SLC39A10: variants seen among roughly 807,000 people sequenced by gnomAD.
The protein encoded by SLC39A10 is zinc transporter ZIP10.
SLC39A10 carries 13 observed loss-of-function variants against 65.1 expected under a neutral mutation model. That is an observed-to-expected ratio of 0.20 (90% CI 0.13 to 0.32). The LOEUF (loss-of-function observed/expected upper bound fraction) is 0.32. Among genes scored for constraint, SLC39A10 ranks in the 10% least tolerant of loss-of-function variants. SLC39A10 has a pLI of 1.00. For missense variants in SLC39A10, 831 were observed against 1,018.4 expected (o/e 0.82, Z 2.50); for synonymous variants, 321 against 342.2 (o/e 0.94, Z 0.68).
At chr2:195,677,721 T>A (rs1004864601) in intron 1 of SLC39A10, among the ~76,000 whole-genome samples, 9 of 152,066 alleles carry the variant, frequency 5.9e-5, no homozygotes, top group Non-Finnish European at 1.3e-4. Flanking sequence ...ATCATTTTGT[T>A]GTTGATTAAC....
At chr2:195,650,163 T>C (rs1232586262) in intron 2 of SLC39A10, among the ~76,000 whole-genome samples, 1 of 151,450 alleles carries the variant, frequency 6.6e-6, no homozygotes, top group Non-Finnish European at 1.5e-5. Context: ...GCAGCTGTAG[T>C]CCCAGCTACT....
chr2:195,659,551 T>C, intron 1 of SLC39A10, among the ~76,000 whole-genome samples: 1 of 152,224 alleles, frequency 6.6e-6, no homozygotes, highest in Non-Finnish European at 1.5e-5. Context: ...CTTGTTAATA[T>C]TCTGTTCACC....
At chr2:195,719,580 G>A (rs1691943691) in intron 8 of SLC39A10, among the ~76,000 whole-genome samples, 2 of 150,560 alleles carry the variant, frequency 1.3e-5, no homozygotes, top group African/African-American at 4.9e-5. Flanking sequence ...GAAAGTTCTT[G>A]TTGCCACAAC....
chr2:195,708,291 T>C (rs539562370), intron 4 of SLC39A10, among the ~76,000 whole-genome samples: 1 of 152,316 alleles, frequency 6.6e-6, no homozygotes, highest in South Asian at 2.1e-4. Flanking sequence ...GTGAATTAGT[T>C]TGTGTGTTTT....
chr2:195,693,389 C>T (rs557589895), intron 3 of SLC39A10, among the ~76,000 whole-genome samples: 8 of 152,142 alleles, frequency 5.3e-5, no homozygotes, highest in South Asian at 2.1e-4. Flanking sequence ...GAATAGTGTC[C>T]GTAGGATTGG....
intron 2 of SLC39A10, among the ~76,000 whole-genome samples, chr2:195,631,308 CA>C (rs1688581290): frequency 6.6e-6 from 1 of 151,714 alleles, no homozygotes; most frequent in Non-Finnish European, 1.5e-5. Context: ...ATAACACCCT[CA>C]AAATACAGTA....
At chr2:195,646,589 A>G (rs889466030) in intron 2 of SLC39A10, among the ~76,000 whole-genome samples, 6 of 151,970 alleles carry the variant, frequency 3.9e-5, no homozygotes, top group African/African-American at 1.5e-4. Flanking sequence ...GGCTACCCAC[A>G]TTCCTTAGTT....
At chr2:195,705,040 C>A (rs532160118) in intron 3 of SLC39A10, among the ~76,000 whole-genome samples, 1 of 152,152 alleles carries the variant, frequency 6.6e-6, no homozygotes, top group African/African-American at 2.4e-5. Context: ...TCAAGCTATC[C>A]GCCTGCCTCA....
chr2:195,702,979 T>G (rs965362851), intron 3 of SLC39A10, among the ~76,000 whole-genome samples: 2 of 152,192 alleles, frequency 1.3e-5, no homozygotes, highest in Non-Finnish European at 2.9e-5. Context: ...ACTAATAAAT[T>G]CCATGATCAG....
At chr2:195,626,474 G>T (rs184694837) in intron 2 of SLC39A10, among the ~76,000 whole-genome samples, 113 of 152,086 alleles carry the variant, frequency 7.4e-4, no homozygotes, top group African/African-American at 2.5e-3. Context: ...TCTCTTGATG[G>T]CTCTGTTCCT....
intron 2 of SLC39A10, among the ~76,000 whole-genome samples, chr2:195,682,462 A>G (rs540751105): frequency 9.2e-5 from 14 of 152,064 alleles, no homozygotes; most frequent in Non-Finnish European, 1.5e-4. Context: ...ATTTTCAAAA[A>G]TTTATTTTTT....
intron 2 of SLC39A10, among the ~76,000 whole-genome samples, chr2:195,623,996 T>G (rs1688406906): frequency 6.6e-6 from 1 of 151,744 alleles, no homozygotes; most frequent in African/African-American, 2.4e-5. Flanking sequence ...AGTTAAAGAC[T>G]TTGTCATTTC....
At chr2:195,628,002 C>T (rs762219140) in intron 2 of SLC39A10, among the ~76,000 whole-genome samples, 1 of 152,206 alleles carries the variant, frequency 6.6e-6, no homozygotes, top group Non-Finnish European at 1.5e-5. Flanking sequence ...TGCATTAGAT[C>T]AGCAAAGTCA....
At chr2:195,692,738 C>T (rs887520505) in intron 3 of SLC39A10, among the ~76,000 whole-genome samples, 14 of 152,064 alleles carry the variant, frequency 9.2e-5, no homozygotes, top group Non-Finnish European at 1.3e-4. Flanking sequence ...TTGGATGAGT[C>T]TTTAGGGTTT....
chr2:195,712,702 T>G (rs1313006452), intron 5 of SLC39A10, among the ~76,000 whole-genome samples: 2 of 152,156 alleles, frequency 1.3e-5, no homozygotes, highest in Non-Finnish European at 2.9e-5. Flanking sequence ...AAAGCCAGAC[T>G]GTGAAGACAT....
At chr2:195,676,502 C>T (rs1287981606) in intron 1 of SLC39A10, among the ~76,000 whole-genome samples, 1 of 152,050 alleles carries the variant, frequency 6.6e-6, no homozygotes, top group Non-Finnish European at 1.5e-5. Context: ...CATTCTCTTA[C>T]ATTTTCTTCT....
chr2:195,682,552 A>G (rs975060369), intron 2 of SLC39A10, among the ~76,000 whole-genome samples: 3 of 152,130 alleles, frequency 2.0e-5, no homozygotes, highest in African/African-American at 7.2e-5. Flanking sequence ...TTAACTTCCC[A>G]AAGTGCTGGG....
chr2:195,639,225 T>C (rs1274751014), intron 2 of SLC39A10, among the ~76,000 whole-genome samples: 2 of 152,212 alleles, frequency 1.3e-5, no homozygotes, highest in African/African-American at 4.8e-5. Flanking sequence ...GTGTTGGGAT[T>C]ACAAGCGTGA....
At chr2:195,730,400 G>C (rs1255865822) in intron 9 of SLC39A10, among the ~76,000 whole-genome samples, 1 of 152,158 alleles carries the variant, frequency 6.6e-6, no homozygotes, top group African/African-American at 2.4e-5. Flanking sequence ...CATGATCGCA[G>C]CTCACTACAA....
Sources: allele counts gnomAD v4.1 joint callset (sites outside exome capture counted in the v4.1 genomes callset), GRCh38; gene constraint gnomAD v4.1.1; transcripts MANE v1.5; gene names NCBI Gene and HGNC (gene_info 2026-07-23, HGNC 2026-07-21).